The following KIAA0319L variants were observed in gnomAD, a reference collection of about 807,000 sequenced individuals.
KIAA0319L encodes KIAA0319 like, also known as dyslexia-associated protein KIAA0319-like protein.
KIAA0319L carries 55 observed loss-of-function variants against 120.1 expected under a neutral mutation model. That is an observed-to-expected ratio of 0.46 (90% CI 0.37 to 0.57). The LOEUF (loss-of-function observed/expected upper bound fraction) is 0.57. KIAA0319L is among the 20% of genes least tolerant of loss of function. KIAA0319L has a pLI of 0.00. For synonymous variants in KIAA0319L, 398 were observed against 471.9 expected, an observed-to-expected ratio of 0.84 and a Z score of 2.03; for missense variants, 1,049 against 1,255.3, an observed-to-expected ratio of 0.84 and a Z score of 2.48.
In KIAA0319L at chr1:35,456,126, G is replaced by C. The variant is rs1441808262; in HGVS notation, c.1543C>G (p.Leu515Val). ...AAGAGGGTGATGGAGTTTTGGGGCA[G>C]GGTGATCACTTGGTTGGGGCCTGCG... Reference protein sequence around the residue: ...ANAGPNQVITLPQNSITLFGN... With the variant: ...ANAGPNQVITVPQNSITLFGN... The change falls in exon 10 of 21, where the codon CTG (leucine) becomes GTG (valine). Residue 515 changes from leucine (L) to valine (V), a missense_variant. Leu to Val is a conservative substitution (Grantham distance 32). Coordinates refer to ENST00000325722, the MANE Select transcript of KIAA0319L (RefSeq NM_024874.5). 6.2e-7 allele frequency: 1 copy of C among 1,614,076 alleles called. No individual in the cohort carries two copies. Among genetic ancestry groups the C allele is most frequent in the Admixed American group, 1.7e-5 (1 of 60,012 alleles).
rs867625580 is a variant in KIAA0319L, at chr1:35,453,072, G to A, written c.1913+485C>T. Among the ~76,000 whole-genome samples the A allele has an allele frequency of 8.9e-4, 135 of 152,266 alleles. No individual in the cohort carries two copies. The highest frequency in any genetic ancestry group is 3.1e-3 in the African/African-American group (127 of 41,552). ...TGTAATTAGAATTATTTTGATTACCGCCTTTGGCCTCTGGCTAACTTAATT... is the reference window on the plus strand; with the variant it reads ...TGTAATTAGAATTATTTTGATTACCACCTTTGGCCTCTGGCTAACTTAATT... On this transcript the variant is annotated intron_variant, in intron 12 of 20. Transcript: ENST00000325722. The surrounding 1 kb of genome is among the most constrained non-coding windows in gnomAD (Gnocchi z 4.1).
intron 2 of KIAA0319L, among the ~76,000 whole-genome samples, chr1:35,532,390 T>C (rs534190646): frequency 1.3e-5 from 2 of 152,330 alleles, no homozygotes; most frequent in Admixed American, 1.3e-4. Flanking sequence ...AAAAAAACAG[T>C]TCTTTTTCAT....
At chr1:35,484,829 A>G (rs1644324212) in intron 3 of KIAA0319L, among the ~76,000 whole-genome samples, 1 of 116,388 alleles carries the variant, frequency 8.6e-6, no homozygotes, top group South Asian at 2.7e-4. Flanking sequence ...TTATACTCTA[A>G]GTTTTAGGGT....
At chr1:35,482,680 C>T (rs1354447918) in intron 3 of KIAA0319L, among the ~76,000 whole-genome samples, 2 of 152,032 alleles carry the variant, frequency 1.3e-5, no homozygotes, top group Admixed American at 6.6e-5. Flanking sequence ...CCACCCACCT[C>T]GGCCTCCCAA....
chr1:35,503,191 G>A (rs1040739408), intron 3 of KIAA0319L, among the ~76,000 whole-genome samples: 2 of 152,006 alleles, frequency 1.3e-5, no homozygotes, highest in African/African-American at 4.8e-5. Context: ...TCACACTTAA[G>A]AAAAAACAAG....
intron 10 of KIAA0319L, among the ~76,000 whole-genome samples, chr1:35,455,623 C>A (rs1642390185): frequency 7.0e-6 from 1 of 143,622 alleles, no homozygotes; most frequent in South Asian, 2.2e-4. Context: ...CTCTGTCACC[C>A]AGGCTGGAGT....
At chr1:35,534,720 G>T (rs977310623) in intron 2 of KIAA0319L, among the ~76,000 whole-genome samples, 3 of 151,652 alleles carry the variant, frequency 2.0e-5, no homozygotes, top group African/African-American at 7.3e-5. Context: ...TTAGCCGGGC[G>T]TGGTGGCAGG....
intron 9 of KIAA0319L, 73 bp downstream of exon 9, chr1:35,460,232 C>T (rs998695057): frequency 1.6e-6 from 2 of 1,216,996 alleles, no homozygotes; most frequent in Non-Finnish European, 2.4e-6. Context: ...CAAAGTTACT[C>T]ATATAACAAT....
At chr1:35,487,895 T>G (rs1644448825) in intron 3 of KIAA0319L, among the ~76,000 whole-genome samples, 1 of 152,138 alleles carries the variant, frequency 6.6e-6, no homozygotes, top group Admixed American at 6.5e-5. Flanking sequence ...GCAGGTGTAG[T>G]TTAGAGGTAC....
chr1:35,551,314 T>C (rs1003544709), intron 2 of KIAA0319L, among the ~76,000 whole-genome samples: 3 of 152,150 alleles, frequency 2.0e-5, no homozygotes, highest in Non-Finnish European at 4.4e-5. Context: ...ATGCCTTTTA[T>C]TTATTTGTTC....
At chr1:35,508,546 C>T (rs544609571) in intron 2 of KIAA0319L, among the ~76,000 whole-genome samples, 67 of 152,134 alleles carry the variant, frequency 4.4e-4, no homozygotes, top group African/African-American at 1.5e-3. Flanking sequence ...CTGGCACCAA[C>T]CTAACACCAG....
At chr1:35,510,585 CATT>C (rs1197079778) in intron 2 of KIAA0319L, 1 of 147,032 alleles carries the variant, frequency 6.8e-6, no homozygotes, top group Non-Finnish European at 1.5e-5. Context: ...CTTTTAAAAA[CATT>C]TATTTATTTA....
At chr1:35,473,120 G>C (rs1398863738) in intron 5 of KIAA0319L, among the ~76,000 whole-genome samples, 5 of 110,980 alleles carry the variant, frequency 4.5e-5, no homozygotes, top group Non-Finnish European at 8.4e-5. Context: ...TTTTGAGACA[G>C]AGTCTTGCTC....
chr1:35,528,775 G>A (rs1319587203), intron 2 of KIAA0319L, among the ~76,000 whole-genome samples: 1 of 152,110 alleles, frequency 6.6e-6, no homozygotes, highest in African/African-American at 2.4e-5. Flanking sequence ...TTTGCTTTGG[G>A]TGAACTGGTG....
chr1:35,524,711 T>G (rs1646052200), intron 2 of KIAA0319L, among the ~76,000 whole-genome samples: 1 of 152,226 alleles, frequency 6.6e-6, no homozygotes, highest in Non-Finnish European at 1.5e-5. Flanking sequence ...TTAAAAAATG[T>G]TTTATTGATA....
At chr1:35,444,356 A>G in intron 16 of KIAA0319L, 53 bp from the exon 17 acceptor site, 1 of 1,498,492 alleles carries the variant, frequency 6.7e-7, no homozygotes, top group Non-Finnish European at 9.0e-7. Context: ...TACCTGCAGC[A>G]ACAGCTAACA....
intron 2 of KIAA0319L, among the ~76,000 whole-genome samples, chr1:35,518,225 C>A (rs1003679780): frequency 6.6e-6 from 1 of 152,108 alleles, no homozygotes; most frequent in Non-Finnish European, 1.5e-5. Context: ...GGTATATACC[C>A]AGAGGGAAAT....
At chr1:35,515,901 C>A (rs1343836886) in intron 2 of KIAA0319L, among the ~76,000 whole-genome samples, 1 of 152,030 alleles carries the variant, frequency 6.6e-6, no homozygotes. Context: ...ATAAAAATAA[C>A]CATTAGAAGC....
At chr1:35,515,787 A>G (rs1645655324) in intron 2 of KIAA0319L, among the ~76,000 whole-genome samples, 1 of 152,192 alleles carries the variant, frequency 6.6e-6, no homozygotes, top group Admixed American at 6.5e-5. Flanking sequence ...GAAAAAATTA[A>G]TAAGATAGGC....
Sources: gnomAD v4.1 joint callset for allele counts (sites outside exome capture counted in the v4.1 genomes callset) on GRCh38, gnomAD v4.1.1 for gene constraint, Gnocchi (gnomAD v3.1) non-coding constraint, MANE v1.5 for transcripts, NCBI Gene and HGNC (gene_info 2026-07-23, HGNC 2026-07-21) for gene names.